Variants in TRAPPC10 observed in about 807,000 individuals in gnomAD.
The protein encoded by TRAPPC10 is trafficking protein particle complex subunit 10.
Under a neutral mutation model 125.5 loss-of-function variants are expected in TRAPPC10, and 23 were observed. The ratio of observed to expected loss-of-function variants is 0.18; its 90% CI spans 0.13 to 0.26. The LOEUF (loss-of-function observed/expected upper bound fraction) is 0.26, where lower values mean the gene tolerates loss of function less well. TRAPPC10 is among the 10% of genes least tolerant of loss of function. TRAPPC10 has a pLI of 1.00. For missense variants in TRAPPC10, 1,123 were observed against 1,308.4 expected, an observed-to-expected ratio of 0.86 and a Z score of 2.19; for synonymous variants, 509 against 518.0, an observed-to-expected ratio of 0.98 and a Z score of 0.24.
intron 1 of TRAPPC10, among the ~76,000 whole-genome samples, chr21:44,016,475 T>C (rs1405632251): frequency 1.3e-5 from 2 of 152,202 alleles, no homozygotes; most frequent in Admixed American, 6.5e-5. Context: ...TCCCTCTAGG[T>C]GATCTGTTCT....
chr21:44,059,273 G>C lies in TRAPPC10; in HGVS notation c.790+59G>C. On this transcript the variant is annotated intron_variant, in intron 6 of 22. Transcript: ENST00000291574. The surrounding 1 kb of genome is among the most constrained non-coding windows in gnomAD (Gnocchi z 4.4). ...CTTAGTGTGGCTTTCTCCAACTTCAGATAGGCTTGAAGCAGCCATTTATTT... is the reference window on the plus strand; with the variant it reads ...CTTAGTGTGGCTTTCTCCAACTTCACATAGGCTTGAAGCAGCCATTTATTT... 7.7e-7 allele frequency: 1 copy of C among 1,306,484 alleles called. No homozygotes were observed. Among genetic ancestry groups the C allele is most frequent in the Non-Finnish European group, 1.1e-6 (1 of 933,452 alleles). 80.9% of individuals were successfully genotyped at this position (1,306,484 alleles called of 1,614,324 possible).
At chr21:44,046,929 A>G (rs1555935653) in intron 3 of TRAPPC10, 1 of 839,484 alleles carries the variant, frequency 1.2e-6, no homozygotes, top group Non-Finnish European at 2.1e-6. Context: ...GCCGTCCTAC[A>G]TTTCAGGTGT....
In TRAPPC10 at chr21:44,082,709, T is replaced by C; in HGVS notation, c.1724-79T>C. 2.0e-6 allele frequency: 3 copies of C among 1,518,392 alleles called. No individual in the cohort carries two copies. The highest frequency in any genetic ancestry group is 2.7e-6 in the Non-Finnish European group (3 of 1,112,672). The allele number at this position is 1,518,392 out of a possible 1,614,324, so 94.1% of individuals were successfully genotyped here. Reference sequence around the variant, plus strand: ...TGCTTCAGTCTGCTCTCGGTGATCTTACTGTGTCCGCGGCCTGCTGCTGCT... The same window carrying C: ...TGCTTCAGTCTGCTCTCGGTGATCTCACTGTGTCCGCGGCCTGCTGCTGCT... On this transcript the variant is annotated intron_variant, in intron 13 of 22. Transcript: ENST00000291574. The surrounding 1 kb of genome is among the most constrained non-coding windows in gnomAD (Gnocchi z 4.4).
At position 44,023,771 on chromosome 21, in the gene TRAPPC10, TTTTTGTTTTTG is replaced by T. The variant is rs747496867; in HGVS notation, c.68-8310_68-8300del. 3.3e-4 allele frequency among the ~76,000 whole-genome samples: 51 copies of T among 152,290 alleles called. 1 individual carries two copies. Among genetic ancestry groups the T allele is most frequent in the Admixed American group, 2.0e-3 (30 of 15,296 alleles). The stretch of plus-strand genomic sequence containing the variant: ...TAGCTAGGCATTTTTGTTTGTTTGT[TTTTTGTTTTTG>T]TTTTGTTTTGTTTTGAGACAGGCTC... On this transcript the variant is annotated intron_variant, in intron 1 of 22. Transcript: ENST00000291574.
At chr21:44,046,723 G>A (rs1318232187) in intron 3 of TRAPPC10, 1 of 374,680 alleles carries the variant, frequency 2.7e-6, no homozygotes, top group African/African-American at 2.1e-5. Context: ...GGTCAGGCTG[G>A]TCTTGAACTT....
Position 44,087,892 on chromosome 21 carries a change from G to A in TRAPPC10, c.2733G>A (p.Gln911=). 1 of 1,614,128 alleles carries A rather than the reference G, an allele frequency of 6.2e-7. No individual in the cohort carries two copies. The highest frequency in any genetic ancestry group is 8.5e-7 in the Non-Finnish European group (1 of 1,180,022). The change falls in exon 17 of 23, where the codon CAG becomes CAA. Residue 911 remains glutamine (Q), a synonymous_variant. Coordinates refer to ENST00000291574, the MANE Select transcript of TRAPPC10 (RefSeq NM_003274.5). This position sits in a 1 kb window ranked among gnomAD's most constrained non-coding sequence, Gnocchi z 4.6. ...AEPHRKHKDK[Q]RTGRCMVTTD... ...CCCACAGGAAGCATAAGGACAAACA[G>A]AGAACTGGCCGCTGCATGGTTACCA...
chr21:44,060,665 A>G (rs2035966277), intron 6 of TRAPPC10, among the ~76,000 whole-genome samples: 1 of 151,948 alleles, frequency 6.6e-6, no homozygotes, highest in South Asian at 2.1e-4. Flanking sequence ...CAGTGGTGTG[A>G]TCTTGGCCCA....
chr21:44,054,816 A>C (rs1478295281), intron 4 of TRAPPC10, among the ~76,000 whole-genome samples: 1 of 152,022 alleles, frequency 6.6e-6, no homozygotes, highest in Non-Finnish European at 1.5e-5. Context: ...AGAGAAGGGG[A>C]GTGTTTTCCT....
In TRAPPC10 at chr21:44,063,792, C is replaced by T. The variant is rs372601026; in HGVS notation, c.1038+7C>T. 24 of 1,606,896 alleles carry T rather than the reference C, an allele frequency of 1.5e-5. No homozygotes were observed. Among genetic ancestry groups the T allele is most frequent in the Middle Eastern group, 1.7e-4 (1 of 6,044 alleles). On this transcript the variant is annotated splice_region_variant and intron_variant, in intron 7 of 22. Transcript: ENST00000291574. The surrounding 1 kb of genome is among the most constrained non-coding windows in gnomAD (Gnocchi z 4.4). ...GGAACTGAAGCTCTTAGAAGTGAGT[C>T]GGCTGTTTTCCCAATTTACCCGTTT...
At chr21:44,069,967 C>T (rs1432467519) in intron 7 of TRAPPC10, among the ~76,000 whole-genome samples, 1 of 151,766 alleles carries the variant, frequency 6.6e-6, no homozygotes, top group Non-Finnish European at 1.5e-5. Flanking sequence ...GATCTTGGCT[C>T]ACTGCAACCT....
chr21:44,061,520 G>A (rs1218729255), intron 6 of TRAPPC10, among the ~76,000 whole-genome samples: 1 of 152,100 alleles, frequency 6.6e-6, no homozygotes, highest in African/African-American at 2.4e-5. Context: ...GCCCGCCTCA[G>A]CCTCCCAAAG....
chr21:44,069,211 G>A (rs989782498), intron 7 of TRAPPC10, among the ~76,000 whole-genome samples: 3 of 152,166 alleles, frequency 2.0e-5, no homozygotes, highest in African/African-American at 7.2e-5. Flanking sequence ...TCTCTTCACT[G>A]AAAGGTACTC....
At chr21:44,017,098 A>G (rs1287133317) in intron 1 of TRAPPC10, among the ~76,000 whole-genome samples, 1 of 152,248 alleles carries the variant, frequency 6.6e-6, no homozygotes, top group African/African-American at 2.4e-5. Context: ...ATAAATGCAG[A>G]TTTTGTTTCA....
intron 7 of TRAPPC10, among the ~76,000 whole-genome samples, chr21:44,067,204 G>A (rs1293784733): frequency 6.6e-6 from 1 of 152,220 alleles, no homozygotes; most frequent in Non-Finnish European, 1.5e-5. Context: ...TAGCTGGCCG[G>A]TTTGTGAACA....
intron 9 of TRAPPC10, among the ~76,000 whole-genome samples, chr21:44,075,958 A>G (rs2037248432): frequency 6.6e-6 from 1 of 152,064 alleles, no homozygotes; most frequent in Non-Finnish European, 1.5e-5. Context: ...CTGAGGCAGG[A>G]GAATCGCTTG....
intron 20 of TRAPPC10, among the ~76,000 whole-genome samples, chr21:44,094,864 T>C (rs1225442401): frequency 6.6e-6 from 1 of 152,168 alleles, no homozygotes; most frequent in African/African-American, 2.4e-5. Flanking sequence ...TTTGAAGTGT[T>C]TGTCTTTATA....
intron 14 of TRAPPC10, among the ~76,000 whole-genome samples, chr21:44,083,833 C>T (rs1378835812): frequency 2.0e-5 from 3 of 152,198 alleles, no homozygotes; most frequent in Non-Finnish European, 4.4e-5. Context: ...GGGCTTAAAT[C>T]TCGTGCTGAA....
intron 5 of TRAPPC10, among the ~76,000 whole-genome samples, chr21:44,056,867 C>G (rs1002244417): frequency 1.2e-4 from 19 of 152,022 alleles, no homozygotes; most frequent in African/African-American, 3.9e-4. Context: ...GGTTAATTTT[C>G]TGGTTGTGAC....
intron 15 of TRAPPC10, among the ~76,000 whole-genome samples, chr21:44,086,180 T>C (rs2038118058): frequency 6.6e-6 from 1 of 152,236 alleles, no homozygotes; most frequent in Admixed American, 6.5e-5. Flanking sequence ...GCTCATGGCC[T>C]GGCTCCTGCT....
Sources: allele counts gnomAD v4.1 joint callset (sites outside exome capture counted in the v4.1 genomes callset), GRCh38; gene constraint gnomAD v4.1.1; non-coding constraint Gnocchi (gnomAD v3.1); transcripts MANE v1.5; gene names NCBI Gene and HGNC (gene_info 2026-07-23, HGNC 2026-07-21).